Variants in SLC44A5 observed in about 807,000 individuals in gnomAD.
The protein encoded by SLC44A5 is choline transporter-like protein 5.
In SLC44A5, 57 loss-of-function variants were observed where a neutral mutation model predicts 101.8. The observed-to-expected ratio is 0.56, with a 90% CI of 0.45 to 0.70. SLC44A5 has a LOEUF of 0.70. Among genes scored for constraint, SLC44A5 ranks in the 30% least tolerant of loss-of-function variants. SLC44A5 has a pLI of 0.00. For synonymous variants in SLC44A5, 281 were observed against 290.9 expected, an observed-to-expected ratio of 0.97 and a Z score of 0.35; for missense variants, 737 against 853.1, an observed-to-expected ratio of 0.86 and a Z score of 1.70.
intron 1 of SLC44A5, among the ~76,000 whole-genome samples, chr1:75,542,409 T>A (rs1158623994): frequency 6.6e-6 from 1 of 152,150 alleles, no homozygotes; most frequent in African/African-American, 2.4e-5. Flanking sequence ...TATTTTAATG[T>A]CCAAGTAATG....
chr1:75,356,621 A>G (rs1053860025), intron 3 of SLC44A5, among the ~76,000 whole-genome samples: 1 of 152,146 alleles, frequency 6.6e-6, no homozygotes, highest in Non-Finnish European at 1.5e-5. Context: ...AGTGTAAACT[A>G]AATACACAGT....
rs533389483 is a variant in SLC44A5, at chr1:75,399,254, T to C, written c.14-2633A>G. Among the ~76,000 whole-genome samples, 8 of 152,230 alleles carry C rather than the reference T, an allele frequency of 5.3e-5. No homozygotes were observed. The South Asian group carries it at 1.2e-3, about 24-fold the overall frequency. ...GTCAACCGGATGTTGTTTCTCCTGA[T>C]GTAAGGCAATAGAGTTTATACGGCA... On this transcript the variant is annotated intron_variant, in intron 2 of 23. Coordinates refer to ENST00000370859, the MANE Select transcript of SLC44A5 (RefSeq NM_001130058.2).
intron 3 of SLC44A5, among the ~76,000 whole-genome samples, chr1:75,386,784 G>T (rs1367968612): frequency 1.3e-5 from 2 of 151,786 alleles, no homozygotes; most frequent in Non-Finnish European, 2.9e-5. Context: ...AAAGCTGGAG[G>T]CATCACACTA....
intron 12 of SLC44A5, among the ~76,000 whole-genome samples, chr1:75,231,121 T>C (rs1647521474): frequency 6.6e-6 from 1 of 152,134 alleles, no homozygotes; most frequent in Admixed American, 6.6e-5. Flanking sequence ...ATTTTGGCAG[T>C]CAAAGGGTAC....
chr1:75,461,058 A>G (rs2101693022), intron 2 of SLC44A5, among the ~76,000 whole-genome samples: 1 of 152,304 alleles, frequency 6.6e-6, no homozygotes, highest in Non-Finnish European at 1.5e-5. Context: ...AATGTCCGAG[A>G]AAAAGAAAAT....
At chr1:75,287,426 C>CTTTTTTTTTTTTTTTT (rs371647505) in intron 5 of SLC44A5, among the ~76,000 whole-genome samples, 1 of 69,910 alleles carries the variant, frequency 1.4e-5, no homozygotes, top group East Asian at 5.3e-4. Context: ...CTTCTGAATT[C>CTTTTTTTTTTTTTTTT]TTTTTTTTTT....
At chr1:75,567,678 G>GT (rs777309178) in intron 1 of SLC44A5, among the ~76,000 whole-genome samples, 5 of 152,150 alleles carry the variant, frequency 3.3e-5, no homozygotes, top group Non-Finnish European at 7.4e-5. Flanking sequence ...TTTCACGGAT[G>GT]TATGAAATAA....
intron 6 of SLC44A5, among the ~76,000 whole-genome samples, chr1:75,262,010 C>A (rs1034912293): frequency 6.6e-5 from 10 of 151,508 alleles, no homozygotes; most frequent in Non-Finnish European, 1.3e-4. Flanking sequence ...AAGAGCTATT[C>A]ATGACAAACC....
At chr1:75,330,291 A>G (rs1191680304) in intron 4 of SLC44A5, among the ~76,000 whole-genome samples, 1 of 151,464 alleles carries the variant, frequency 6.6e-6, no homozygotes, top group Non-Finnish European at 1.5e-5. Flanking sequence ...CCAACACTCA[A>G]CACTCCAGCC....
At chr1:75,285,901 C>A (rs1478472243) in intron 5 of SLC44A5, among the ~76,000 whole-genome samples, 1 of 151,956 alleles carries the variant, frequency 6.6e-6, no homozygotes, top group Non-Finnish European at 1.5e-5. Context: ...TATGGTCTAT[C>A]TTGGAGAATG....
chr1:75,471,614 T>C (rs1459042998), intron 2 of SLC44A5, among the ~76,000 whole-genome samples: 2 of 151,928 alleles, frequency 1.3e-5, no homozygotes, highest in Admixed American at 6.6e-5. Context: ...CCAAATATGA[T>C]TTTTTTTCTA....
chr1:75,266,911 T>G (rs1453384974), intron 6 of SLC44A5, among the ~76,000 whole-genome samples: 2 of 152,182 alleles, frequency 1.3e-5, no homozygotes, highest in Non-Finnish European at 2.9e-5. Flanking sequence ...AATCAAGATC[T>G]TGTGCCAGAG....
chr1:75,418,507 G>C (rs920795345), intron 2 of SLC44A5, among the ~76,000 whole-genome samples: 2 of 152,162 alleles, frequency 1.3e-5, no homozygotes, highest in African/African-American at 2.4e-5. Context: ...TCAAGCCTAT[G>C]TCTAAAAGAT....
At chr1:75,717,679 TAG>T in the SLC44A5 span, among the ~76,000 whole-genome samples, 162 of 152,308 alleles carry the variant, frequency 1.1e-3, 1 homozygote, top group African/African-American at 3.8e-3. Flanking sequence ...AGAGAAAAAT[TAG>T]AGTCATGGGA....
intron 4 of SLC44A5, among the ~76,000 whole-genome samples, chr1:75,328,095 A>C (rs1268453112): frequency 6.6e-6 from 1 of 152,146 alleles, no homozygotes; most frequent in Non-Finnish European, 1.5e-5. Flanking sequence ...GCTGCTTTCC[A>C]TCCCTGCTGG....
At chr1:75,442,518 T>C (rs1053260022) in intron 2 of SLC44A5, among the ~76,000 whole-genome samples, 1 of 152,102 alleles carries the variant, frequency 6.6e-6, no homozygotes, top group Admixed American at 6.6e-5. Flanking sequence ...CCTCCCTCAA[T>C]ATCTAATCAG....
At chr1:75,269,624 A>G (rs775691526) in intron 6 of SLC44A5, among the ~76,000 whole-genome samples, 1 of 152,086 alleles carries the variant, frequency 6.6e-6, no homozygotes, top group Non-Finnish European at 1.5e-5. Flanking sequence ...TATGAATGGT[A>G]TTTCAGTTAA....
intron 6 of SLC44A5, among the ~76,000 whole-genome samples, chr1:75,265,399 G>C (rs1650901975): frequency 6.6e-6 from 1 of 152,102 alleles, no homozygotes; most frequent in Non-Finnish European, 1.5e-5. Context: ...TATGCAACTG[G>C]GGCAGGGGCT....
At chr1:75,692,209 T>TTTTC in the SLC44A5 span, among the ~76,000 whole-genome samples, 1 of 140,076 alleles carries the variant, frequency 7.1e-6, no homozygotes, top group Admixed American at 7.2e-5. Flanking sequence ...TTTTTTTTTT[T>TTTTC]CTGAGACAGA....
Sources: allele counts gnomAD v4.1 joint callset (sites outside exome capture counted in the v4.1 genomes callset), GRCh38; gene constraint gnomAD v4.1.1; transcripts MANE v1.5; gene names NCBI Gene and HGNC (gene_info 2026-07-23, HGNC 2026-07-21).